PCDH9: variants seen among roughly 807,000 people sequenced by gnomAD.
PCDH9 encodes the protein protocadherin 9, also known as protocadherin-9.
A neutral mutation model predicts 70.6 loss-of-function variants in PCDH9; 24 were observed. That is an observed-to-expected ratio of 0.34 (90% CI 0.25 to 0.48). The LOEUF (loss-of-function observed/expected upper bound fraction) is 0.48, where lower values mean the gene tolerates loss of function less well. PCDH9 is among the 20% of genes least tolerant of loss of function. PCDH9 has a pLI of 0.99. For synonymous variants in PCDH9, 562 were observed against 558.5 expected, an observed-to-expected ratio of 1.01 and a Z score of -0.09; for missense variants, 1,281 against 1,503.6, an observed-to-expected ratio of 0.85 and a Z score of 2.45.
Position 66,496,918 on chromosome 13 carries a change from G to A in PCDH9, c.3340+134292C>T, listed in dbSNP as rs543093338. On this transcript the variant is annotated intron_variant, in intron 4 of 4. Transcript: ENST00000377865. ...AAGTTTGAAGGCTCTTATATCCAATGCATAACTGGCTACGATTGGTTATCT... is the reference window on the plus strand; with the variant it reads ...AAGTTTGAAGGCTCTTATATCCAATACATAACTGGCTACGATTGGTTATCT... 2.6e-5 allele frequency among the ~76,000 whole-genome samples: 4 copies of A among 152,286 alleles called. No homozygotes were observed. In the East Asian group the frequency reaches 7.7e-4, roughly 29 times the overall value.
At chr13:67,075,812 A>G (rs1448369795) in intron 2 of PCDH9, among the ~76,000 whole-genome samples, 4 of 152,104 alleles carry the variant, frequency 2.6e-5, no homozygotes, top group Admixed American at 2.0e-4. Flanking sequence ...TAACAAATAA[A>G]TGACAATAAT....
At chr13:66,827,790 G>C (rs142959758) in intron 3 of PCDH9, among the ~76,000 whole-genome samples, 29 of 152,172 alleles carry the variant, frequency 1.9e-4, no homozygotes, top group African/African-American at 7.0e-4. Context: ...TCAACCGATG[G>C]GTAAGGAAGA....
intron 4 of PCDH9, among the ~76,000 whole-genome samples, chr13:66,552,266 C>T (rs184171270): frequency 8.5e-5 from 13 of 152,224 alleles, no homozygotes; most frequent in African/African-American, 2.9e-4. Flanking sequence ...AAATTATTCC[C>T]CTATCTCAAC....
intron 3 of PCDH9, among the ~76,000 whole-genome samples, chr13:66,859,575 T>C (rs552570507): frequency 3.3e-5 from 5 of 152,210 alleles, no homozygotes; most frequent in Non-Finnish European, 7.3e-5. Flanking sequence ...AGTGCAACTT[T>C]AGTGAAGAAA....
chr13:66,950,085 C>T (rs2083153127), intron 2 of PCDH9, among the ~76,000 whole-genome samples: 1 of 152,072 alleles, frequency 6.6e-6, no homozygotes, highest in African/African-American at 2.4e-5. Context: ...TACCGCTTAT[C>T]AAATGATTTA....
At chr13:66,477,002 G>A (rs1294921131) in intron 4 of PCDH9, among the ~76,000 whole-genome samples, 1 of 151,974 alleles carries the variant, frequency 6.6e-6, no homozygotes. Context: ...AATGATATGA[G>A]TTATAGAGTG....
intron 2 of PCDH9, chr13:67,202,233 A>G (rs773265130): frequency 9.2e-5 from 14 of 152,182 alleles, no homozygotes; most frequent in Non-Finnish European, 1.8e-4. Flanking sequence ...GAAAAAATGT[A>G]CTTTGCACTT....
intron 2 of PCDH9, chr13:67,209,881 A>G (rs1464381316): frequency 1.3e-5 from 2 of 152,062 alleles, no homozygotes; most frequent in African/African-American, 4.8e-5. Flanking sequence ...TGAGACTGAC[A>G]AGTTCTTCAA....
At chr13:66,604,444 A>T (rs1396558407) in intron 4 of PCDH9, among the ~76,000 whole-genome samples, 1 of 152,126 alleles carries the variant, frequency 6.6e-6, no homozygotes, top group Non-Finnish European at 1.5e-5. Context: ...TTTTATTCAA[A>T]CTAAATAATT....
intron 3 of PCDH9, among the ~76,000 whole-genome samples, chr13:66,654,683 T>C (rs546642987): frequency 3.9e-5 from 6 of 152,098 alleles, no homozygotes; most frequent in Admixed American, 3.3e-4. Context: ...GACAAACAGA[T>C]ATACTTGTTG....
intron 2 of PCDH9, among the ~76,000 whole-genome samples, chr13:67,088,593 G>A (rs1158254791): frequency 6.6e-6 from 1 of 151,988 alleles, no homozygotes; most frequent in African/African-American, 2.4e-5. Flanking sequence ...TTCCCCTAAA[G>A]AGGGAGAGTT....
rs574473030 is a variant in PCDH9 at position 66,714,458 on chromosome 13, C to T, written c.3139-83047G>A. The stretch of plus-strand genomic sequence containing the variant: ...CAGCCTGGGTGACAGAGCAAGACTC[C>T]GTCTCAAAAAAAAAAAAACAAAAAA... On this transcript the variant is annotated intron_variant, in intron 3 of 4. Coordinates refer to ENST00000377865, the MANE Select transcript of PCDH9 (RefSeq NM_203487.3). 1.0e-4 allele frequency among the ~76,000 whole-genome samples: 15 copies of T among 147,304 alleles called. 2 individuals carry two copies. The highest frequency in any genetic ancestry group is 2.5e-4 in the African/African-American group (10 of 39,872).
chr13:66,813,714 A>G (rs1023887044), intron 3 of PCDH9, among the ~76,000 whole-genome samples: 1 of 152,190 alleles, frequency 6.6e-6, no homozygotes, highest in African/African-American at 2.4e-5. Context: ...CAAATATAAC[A>G]GGTTAACCAT....
chr13:67,070,235 A>T (rs2085734074), intron 2 of PCDH9, among the ~76,000 whole-genome samples: 1 of 152,060 alleles, frequency 6.6e-6, no homozygotes, highest in African/African-American at 2.4e-5. Context: ...TACCAAAAAA[A>T]GGTAAAGACA....
intron 4 of PCDH9, among the ~76,000 whole-genome samples, chr13:66,604,005 T>A (rs1183357683): frequency 6.6e-6 from 1 of 152,062 alleles, no homozygotes; most frequent in African/African-American, 2.4e-5. Flanking sequence ...TTATGATGAT[T>A]ATTTTGACTT....
At chr13:67,114,399 G>A (rs1362980692) in intron 2 of PCDH9, among the ~76,000 whole-genome samples, 1 of 152,108 alleles carries the variant, frequency 6.6e-6, no homozygotes, top group African/African-American at 2.4e-5. Context: ...ACTATATGAA[G>A]TAGACAAAGC....
intron 2 of PCDH9, among the ~76,000 whole-genome samples, chr13:67,073,136 T>C (rs937978900): frequency 1.3e-5 from 2 of 152,144 alleles, no homozygotes; most frequent in African/African-American, 4.8e-5. Context: ...TTACGTGGTA[T>C]ATATGTCCAA....
intron 2 of PCDH9, among the ~76,000 whole-genome samples, chr13:66,997,176 T>C (rs968639395): frequency 6.6e-6 from 1 of 152,202 alleles, no homozygotes; most frequent in African/African-American, 2.4e-5. Flanking sequence ...AACGAATACC[T>C]GAGGCTGGGT....
intron 2 of PCDH9, among the ~76,000 whole-genome samples, chr13:67,091,677 T>C (rs2086221678): frequency 6.6e-6 from 1 of 152,196 alleles, no homozygotes; most frequent in Admixed American, 6.5e-5. Flanking sequence ...ATAATGAAAA[T>C]ATTAATACCA....
Sources: allele counts gnomAD v4.1 joint callset (sites outside exome capture counted in the v4.1 genomes callset), GRCh38; gene constraint gnomAD v4.1.1; transcripts MANE v1.5; gene names NCBI Gene and HGNC (gene_info 2026-07-23, HGNC 2026-07-21).